GRM3: variants seen among roughly 807,000 people sequenced by gnomAD.
GRM3 encodes metabotropic glutamate receptor 3.
A neutral mutation model predicts 70.5 loss-of-function variants in GRM3; 26 were observed. That is an observed-to-expected ratio of 0.37 (90% CI 0.27 to 0.51). The LOEUF (loss-of-function observed/expected upper bound fraction) is 0.51. GRM3 is among the 20% of genes least tolerant of loss of function. The pLI, the probability that GRM3 is intolerant of heterozygous loss-of-function variation, is 0.93. For synonymous variants in GRM3, 443 were observed against 434.9 expected (o/e 1.02, Z -0.23); for missense variants, 859 against 1,123.8 (o/e 0.76, Z 3.37).
chr7:86,678,574 ATGC>A, intron 1 of GRM3, among the ~76,000 whole-genome samples: 1 of 152,066 alleles, frequency 6.6e-6, no homozygotes, highest in Non-Finnish European at 1.5e-5. Flanking sequence ...AGGGATTTAT[ATGC>A]TAGTGTTTGG....
intron 1 of GRM3, among the ~76,000 whole-genome samples, chr7:86,705,240 C>A (rs751349900): frequency 1.3e-5 from 2 of 151,922 alleles, no homozygotes; most frequent in African/African-American, 4.8e-5. Context: ...AAATTACCTG[C>A]CTTTTTCCTT....
At chr7:86,743,333 T>A (rs1046629579) in intron 1 of GRM3, among the ~76,000 whole-genome samples, 1 of 151,978 alleles carries the variant, frequency 6.6e-6, no homozygotes, top group African/African-American at 2.4e-5. Flanking sequence ...TCACAAAATA[T>A]CCTCCCCCAG....
chr7:86,702,257 T>C (rs1408629701), intron 1 of GRM3, among the ~76,000 whole-genome samples: 1 of 152,068 alleles, frequency 6.6e-6, no homozygotes, highest in Non-Finnish European at 1.5e-5. Context: ...GTCCTTCACT[T>C]TACTCCTTGT....
rs1157306837 is a variant in GRM3 at position 86,744,123 on chromosome 7, T to A, written c.-140-20883T>A. The stretch of plus-strand genomic sequence containing the variant: ...CCTTATGAATCCACTATACGAAGCA[T>A]CCCACACCCAGGTCTGGGCATTGCT... On this transcript the variant is annotated intron_variant, in intron 1 of 5. Coordinates refer to ENST00000361669, the MANE Select transcript of GRM3 (RefSeq NM_000840.3). 2.0e-5 allele frequency among the ~76,000 whole-genome samples: 3 copies of A among 151,978 alleles called. No homozygotes were observed. The East Asian group carries it at 5.8e-4, about 30-fold the overall frequency.
At chr7:86,674,916 C>G (rs868038916) in intron 1 of GRM3, among the ~76,000 whole-genome samples, 1 of 152,092 alleles carries the variant, frequency 6.6e-6, no homozygotes. Context: ...CATTTATCAC[C>G]TTTGCTTTGC....
At chr7:86,680,551 AT>A (rs1224715030) in intron 1 of GRM3, among the ~76,000 whole-genome samples, 1 of 152,102 alleles carries the variant, frequency 6.6e-6, no homozygotes, top group East Asian at 1.9e-4. Flanking sequence ...TTCTCTTCCC[AT>A]TTTAATACAT....
intron 1 of GRM3, among the ~76,000 whole-genome samples, chr7:86,665,809 G>A (rs1395916840): frequency 6.6e-6 from 1 of 151,978 alleles, no homozygotes; most frequent in Non-Finnish European, 1.5e-5. Context: ...AACTGTTGTA[G>A]CTTTAATAAC....
At chr7:86,767,524 T>TGA (rs1796632473) in intron 2 of GRM3, among the ~76,000 whole-genome samples, 3 of 42,120 alleles carry the variant, frequency 7.1e-5, no homozygotes, top group Non-Finnish European at 4.1e-5. Flanking sequence ...CATATATATA[T>TGA]ATATATATAT....
chr7:86,783,540 T>C, intron 2 of GRM3, among the ~76,000 whole-genome samples: 1 of 152,108 alleles, frequency 6.6e-6, no homozygotes. Context: ...TGTATGTACA[T>C]ACCCAGTACA....
chr7:86,772,237 G>A lies in GRM3; in HGVS notation c.468+6624G>A, dbSNP rs1479926034. The stretch of plus-strand genomic sequence containing the variant: ...TTGATTACCTATGTACAGTTGATAA[G>A]AACTGAAAGATGTTAACCTGCTATA... On this transcript the variant is annotated intron_variant, in intron 2 of 5. Coordinates refer to ENST00000361669, the MANE Select transcript of GRM3 (RefSeq NM_000840.3). 2.6e-5 allele frequency among the ~76,000 whole-genome samples: 4 copies of A among 152,140 alleles called. No homozygotes were observed. In the East Asian group the frequency reaches 5.8e-4, roughly 22 times the overall value.
At chr7:86,767,951 C>A (rs947366136) in intron 2 of GRM3, among the ~76,000 whole-genome samples, 4 of 152,068 alleles carry the variant, frequency 2.6e-5, no homozygotes, top group African/African-American at 9.7e-5. Flanking sequence ...ATTGAAAGAC[C>A]TATCTCATTA....
At chr7:86,856,805 A>T (rs1798858526) in intron 5 of GRM3, among the ~76,000 whole-genome samples, 1 of 152,092 alleles carries the variant, frequency 6.6e-6, no homozygotes, top group South Asian at 2.1e-4. Context: ...CCATCCCTTA[A>T]ATCATTCTCT....
chr7:86,755,476 G>T (rs145598237), intron 1 of GRM3, among the ~76,000 whole-genome samples: 2,497 of 152,220 alleles, frequency 0.016, 17 homozygotes, highest in Non-Finnish European at 0.024. Flanking sequence ...GGGGGTTAAG[G>T]ATGGGAGAGG....
intron 1 of GRM3, among the ~76,000 whole-genome samples, chr7:86,683,616 A>T (rs1335825025): frequency 6.6e-6 from 1 of 152,158 alleles, no homozygotes; most frequent in Admixed American, 6.5e-5. Context: ...GATAGCATTG[A>T]TATCACCGAC....
At chr7:86,776,187 A>G (rs1796887033) in intron 2 of GRM3, among the ~76,000 whole-genome samples, 1 of 152,142 alleles carries the variant, frequency 6.6e-6, no homozygotes, top group Non-Finnish European at 1.5e-5. Flanking sequence ...AGTGCTTCAT[A>G]TGTTTTCATT....
intron 1 of GRM3, among the ~76,000 whole-genome samples, chr7:86,743,551 C>A (rs2116329751): frequency 6.6e-6 from 1 of 152,248 alleles, no homozygotes; most frequent in South Asian, 2.1e-4. Context: ...GAGATTTAAT[C>A]TGAAACCCTA....
At chr7:86,707,698 C>A (rs747372166) in intron 1 of GRM3, among the ~76,000 whole-genome samples, 1 of 151,944 alleles carries the variant, frequency 6.6e-6, no homozygotes, top group Non-Finnish European at 1.5e-5. Context: ...AAATGGTTGG[C>A]ATAGTATTTA....
intron 1 of GRM3, among the ~76,000 whole-genome samples, chr7:86,654,102 C>T (rs1296311510): frequency 1.3e-5 from 2 of 152,162 alleles, no homozygotes. Context: ...GCAATCCTCA[C>T]AAATACTGCC....
At chr7:86,823,609 G>A (rs866364609) in intron 3 of GRM3, among the ~76,000 whole-genome samples, 9 of 116,258 alleles carry the variant, frequency 7.7e-5, no homozygotes, top group East Asian at 2.5e-4. Context: ...TTTTTTTGGC[G>A]GGGGGGGATT....
Sources: allele counts gnomAD v4.1 joint callset (sites outside exome capture counted in the v4.1 genomes callset), GRCh38; gene constraint gnomAD v4.1.1; transcripts MANE v1.5; gene names NCBI Gene and HGNC (gene_info 2026-07-23, HGNC 2026-07-21).